The following ZMAT4 variants were observed in gnomAD, a reference collection of about 807,000 sequenced individuals.
ZMAT4 encodes zinc finger matrin-type 4, also known as zinc finger matrin-type protein 4.
Under a neutral mutation model 28.7 loss-of-function variants are expected in ZMAT4, and 17 were observed. The ratio of observed to expected loss-of-function variants is 0.59; its 90% CI spans 0.41 to 0.89. ZMAT4 has a LOEUF of 0.89. Among genes scored for constraint, ZMAT4 ranks in the 40% least tolerant of loss-of-function variants. The probability of loss-of-function intolerance (pLI) is 0.00; values close to 1 mark genes in which losing one functional copy is unlikely to be tolerated. For missense variants in ZMAT4, 240 were observed against 283.8 expected (o/e 0.85, Z 1.11); for synonymous variants, 117 against 109.2 (o/e 1.07, Z -0.44).
chr8:40,768,871 T>C (rs1189394936), intron 2 of ZMAT4, among the ~76,000 whole-genome samples: 4 of 152,206 alleles, frequency 2.6e-5, no homozygotes, highest in East Asian at 3.9e-4. Context: ...TGTTCCACTA[T>C]GACTTTATTT....
At chr8:40,873,797 G>A (rs142677667) in intron 1 of ZMAT4, among the ~76,000 whole-genome samples, 242 of 152,250 alleles carry the variant, frequency 1.6e-3, no homozygotes, top group Non-Finnish European at 2.8e-3. Flanking sequence ...GAGAACGTCC[G>A]TCCTCCTCAC....
intron 3 of ZMAT4, among the ~76,000 whole-genome samples, chr8:40,708,930 T>C (rs1466243242): frequency 1.3e-5 from 2 of 151,984 alleles, no homozygotes; most frequent in Non-Finnish European, 2.9e-5. Context: ...ATTACAGGCA[T>C]AATCCCAGCA....
intron 1 of ZMAT4, among the ~76,000 whole-genome samples, chr8:40,868,607 G>A (rs1360426015): frequency 5.3e-5 from 8 of 152,136 alleles, no homozygotes; most frequent in Non-Finnish European, 1.5e-5. Flanking sequence ...AAAATGAGTG[G>A]GTTGGAATTA....
chr8:40,616,861 A>G (rs1806026572), intron 5 of ZMAT4, among the ~76,000 whole-genome samples: 2 of 150,150 alleles, frequency 1.3e-5, no homozygotes, highest in South Asian at 4.2e-4. Context: ...TGTTGTGCAC[A>G]TGTACCCTAG....
chr8:40,757,720 C>T (rs539919778), intron 3 of ZMAT4, among the ~76,000 whole-genome samples: 9 of 152,114 alleles, frequency 5.9e-5, no homozygotes, highest in Admixed American at 1.3e-4. Flanking sequence ...TTACCTCTTG[C>T]GATGGTTAAT....
In ZMAT4 at chr8:40,828,958, G is replaced by GA. The variant is rs113908008; in HGVS notation, c.-4-3279dup. Among the ~76,000 whole-genome samples the GA allele has an allele frequency of 8.0e-3, 1,140 of 143,088 alleles. 8 individuals carry two copies. Among genetic ancestry groups the GA allele is most frequent in the African/African-American group, 0.024 (920 of 38,762 alleles). 93.9% of individuals were successfully genotyped at this position (143,088 alleles called of 152,430 possible). ...CACCAAGACAGCTGGTAAGAAAAAGGAAAAAAAAAAAAAATTTCCAGTTTT... is the reference window on the plus strand; with the variant it reads ...CACCAAGACAGCTGGTAAGAAAAAGGAAAAAAAAAAAAAAATTTCCAGTTTT... On this transcript the variant is annotated intron_variant, in intron 1 of 6. Transcript: ENST00000297737.
At chr8:40,827,765 G>A (rs1330148142) in intron 1 of ZMAT4, among the ~76,000 whole-genome samples, 1 of 152,206 alleles carries the variant, frequency 6.6e-6, no homozygotes, top group Non-Finnish European at 1.5e-5. Context: ...CTGGAGTCTA[G>A]CACCTGCTGT....
intron 3 of ZMAT4, among the ~76,000 whole-genome samples, chr8:40,717,325 C>T (rs1017085230): frequency 1.3e-5 from 2 of 152,130 alleles, no homozygotes; most frequent in Non-Finnish European, 2.9e-5. Context: ...TGTGTTAGTT[C>T]CATCAAGAAA....
intron 5 of ZMAT4, among the ~76,000 whole-genome samples, chr8:40,627,559 A>G (rs1806421426): frequency 6.6e-6 from 1 of 152,208 alleles, no homozygotes; most frequent in South Asian, 2.1e-4. Flanking sequence ...ATCATAATTC[A>G]ACCTATGATT....
chr8:40,637,494 C>T (rs1406347110), intron 5 of ZMAT4, among the ~76,000 whole-genome samples: 1 of 152,126 alleles, frequency 6.6e-6, no homozygotes, highest in Non-Finnish European at 1.5e-5. Flanking sequence ...AAGTTGTGCA[C>T]CTACCACTCC....
chr8:40,832,614 C>T (rs1415418363), intron 1 of ZMAT4, among the ~76,000 whole-genome samples: 1 of 152,176 alleles, frequency 6.6e-6, no homozygotes, highest in Non-Finnish European at 1.5e-5. Context: ...CACCAGCTCC[C>T]AGAACCCAAG....
At chr8:40,669,881 C>G (rs1474086854) in intron 5 of ZMAT4, among the ~76,000 whole-genome samples, 1 of 152,096 alleles carries the variant, frequency 6.6e-6, no homozygotes, top group East Asian at 1.9e-4. Context: ...CTGAAAACTA[C>G]AAAACATTGC....
At chr8:40,619,137 G>A (rs1421686034) in intron 5 of ZMAT4, among the ~76,000 whole-genome samples, 4 of 152,160 alleles carry the variant, frequency 2.6e-5, no homozygotes, top group African/African-American at 9.7e-5. Context: ...GATGCTTTCA[G>A]CTGGCCACAG....
At position 40,891,710 on chromosome 8, in the gene ZMAT4, G is replaced by A. The variant is rs138655564; in HGVS notation, c.-5+5973C>T. 3.3e-3 allele frequency among the ~76,000 whole-genome samples: 503 copies of A among 152,224 alleles called. 1 individual carries two copies. The highest frequency in any genetic ancestry group is 0.011 in the African/African-American group (477 of 41,562). On this transcript the variant is annotated intron_variant, in intron 1 of 6. Transcript: ENST00000297737. The stretch of plus-strand genomic sequence containing the variant: ...GGTAGATCCCCTAGTGCCTACCTCC[G>A]TGCTGGGCACAAAGGCCCAGGATGC...
At chr8:40,686,662 A>C (rs1212076283) in intron 4 of ZMAT4, among the ~76,000 whole-genome samples, 2 of 152,122 alleles carry the variant, frequency 1.3e-5, no homozygotes, top group Non-Finnish European at 2.9e-5. Flanking sequence ...AATTTTTAAA[A>C]ATCATAAGAG....
chr8:40,741,290 T>C (rs1043395737), intron 3 of ZMAT4, among the ~76,000 whole-genome samples: 4 of 151,654 alleles, frequency 2.6e-5, no homozygotes, highest in Admixed American at 2.0e-4. Context: ...ACTAAAAAAA[T>C]ACAAAGATTA....
At chr8:40,810,876 A>G (rs1289117531) in intron 2 of ZMAT4, among the ~76,000 whole-genome samples, 1 of 152,228 alleles carries the variant, frequency 6.6e-6, no homozygotes, top group African/African-American at 2.4e-5. Context: ...CGATACGAAT[A>G]GAAATCATTT....
chr8:40,596,294 G>A (rs568060981), intron 5 of ZMAT4, among the ~76,000 whole-genome samples: 7 of 152,204 alleles, frequency 4.6e-5, no homozygotes, highest in South Asian at 2.1e-4. Flanking sequence ...CTTAGGCTAC[G>A]CTAAATTTAT....
intron 2 of ZMAT4, among the ~76,000 whole-genome samples, chr8:40,773,104 G>T (rs7831623): frequency 0.013 from 2,011 of 152,302 alleles, 16 homozygotes; most frequent in Non-Finnish European, 0.021. Context: ...AAGTGCTGGG[G>T]ATTCCCTCTA....
Sources: allele counts gnomAD v4.1 joint callset (sites outside exome capture counted in the v4.1 genomes callset), GRCh38; gene constraint gnomAD v4.1.1; transcripts MANE v1.5; gene names NCBI Gene and HGNC (gene_info 2026-07-23, HGNC 2026-07-21).